MYO19: variants seen among roughly 807,000 people sequenced by gnomAD.
MYO19 encodes the protein unconventional myosin-XIX.
MYO19 carries 132 observed loss-of-function variants against 129.2 expected under a neutral mutation model. The observed-to-expected ratio is 1.02, with a 90% CI of 0.89 to 1.18. The LOEUF is 1.18. MYO19 is among the 50% of genes most tolerant of loss of function. The pLI, the probability that MYO19 is intolerant of heterozygous loss-of-function variation, is 0.00. For missense variants in MYO19, 1,210 were observed against 1,216.7 expected (o/e 0.99, Z 0.08); for synonymous variants, 531 against 477.2 (o/e 1.11, Z -1.47).
At chr17:36,516,237 G>GT (rs142292185) in intron 6 of MYO19, among the ~76,000 whole-genome samples, 13 of 151,818 alleles carry the variant, frequency 8.6e-5, no homozygotes, top group African/African-American at 1.7e-4. Context: ...TTCTGTGTAT[G>GT]TTTTTTTTGC....
chr17:36,521,864 C>G (rs1488757352), intron 6 of MYO19, among the ~76,000 whole-genome samples: 3 of 151,634 alleles, frequency 2.0e-5, no homozygotes, highest in African/African-American at 7.3e-5. Flanking sequence ...AACCCCATCT[C>G]TACTAAAAAT....
intron 6 of MYO19, among the ~76,000 whole-genome samples, chr17:36,517,242 T>C (rs990388257): frequency 2.0e-5 from 3 of 152,218 alleles, no homozygotes; most frequent in Non-Finnish European, 4.4e-5. Flanking sequence ...TAAGTCTGAC[T>C]GGAGAGTTAT....
Position 36,499,072 on chromosome 17 carries a change from T to C in MYO19, c.2463+3A>G, listed in dbSNP as rs1173250493. On this transcript the variant is annotated splice_donor_region_variant and intron_variant, in intron 24 of 25. Coordinates refer to ENST00000614623, the MANE Select transcript of MYO19 (RefSeq NM_001163735.2). Reference sequence around the variant, plus strand: ...CCACCCCGACTTCTTGGGTCTTACTTACTCTCCACTTCTGCCATGCACGCT... The same window carrying C: ...CCACCCCGACTTCTTGGGTCTTACTCACTCTCCACTTCTGCCATGCACGCT... 1.2e-6 allele frequency: 2 copies of C among 1,604,374 alleles called. No homozygotes were observed. Among genetic ancestry groups the C allele is most frequent in the Non-Finnish European group, 8.5e-7 (1 of 1,174,714 alleles).
rs1211426564 is a variant in MYO19, at chr17:36,534,089, G to A, written c.-280C>T. On this transcript the variant is annotated 5_prime_UTR_variant, in exon 2 of 26. Coordinates refer to ENST00000614623, the MANE Select transcript of MYO19 (RefSeq NM_001163735.2). ...TCGCGGTTACCAGCCAAGAATTTCT[G>A]GAAAGGGTGTGAACACTGTGGGCAG... 1 of 152,278 alleles carries A rather than the reference G, an allele frequency of 6.6e-6. No homozygotes were observed. Among genetic ancestry groups the A allele is most frequent in the Admixed American group, 6.5e-5 (1 of 15,282 alleles). 9.4% of individuals were successfully genotyped at this position (152,278 alleles called of 1,614,324 possible).
At chr17:36,499,266 GT>G (rs111268012) in intron 23 of MYO19, 106 bp from the exon 24 acceptor site, 17,253 of 538,790 alleles carry the variant, frequency 0.032, 168 homozygotes, top group East Asian at 0.14. Context: ...TTTCAAATAC[GT>G]TTTTTTTTTT....
chr17:36,517,449 G>A (rs1032159259), intron 6 of MYO19, among the ~76,000 whole-genome samples: 7 of 151,946 alleles, frequency 4.6e-5, no homozygotes, highest in South Asian at 2.1e-4. Context: ...TAGTAGAGAC[G>A]GGCTTTCACC....
intron 11 of MYO19, among the ~76,000 whole-genome samples, chr17:36,512,181 T>A (rs1302464336): frequency 1.4e-5 from 2 of 141,740 alleles, no homozygotes; most frequent in Non-Finnish European, 3.0e-5. Flanking sequence ...TGAACCTCCA[T>A]CTCTACTAAA....
chr17:36,511,118 T>C, intron 12 of MYO19: 2 of 676,708 alleles, frequency 3.0e-6, no homozygotes, highest in Non-Finnish European at 2.5e-6. Flanking sequence ...TACCAGTCCA[T>C]GCTGCCATGT....
At chr17:36,543,287 C>G (rs1406112333) in exon 1 of MYO19, 1 of 152,022 alleles carries the variant, frequency 6.6e-6, no homozygotes, top group African/African-American at 2.4e-5. Context: ...TCCCGAGTAG[C>G]TGGGATAACA....
At chr17:36,499,778 G>A (rs1210341842) in intron 23 of MYO19, 1 of 143,722 alleles carries the variant, frequency 7.0e-6, no homozygotes, top group Admixed American at 7.1e-5. Context: ...AATCTCCCAG[G>A]CTCAAGCAAT....
In MYO19 at chr17:36,497,995, T is replaced by C. The variant is rs142764564; in HGVS notation, c.2757+271A>G. 373 of 468,478 alleles carry C rather than the reference T, an allele frequency of 8.0e-4. 2 individuals are homozygous for C. Among genetic ancestry groups the C allele is most frequent in the African/African-American group, 6.5e-3 (334 of 51,774 alleles). 29.0% of individuals were successfully genotyped at this position (468,478 alleles called of 1,614,324 possible). A position where few individuals can be genotyped will look rare whatever the true frequency, so the allele number is the denominator to read the frequency against. ...CTGGGAGCTTGCTAGAAACGCAGCA[T>C]TGCATTTGGAAATGGGACTAGAAGA... is the stretch of plus-strand genomic sequence containing the variant. On this transcript the variant is annotated intron_variant, in intron 25 of 25. Transcript: ENST00000614623.
chr17:36,498,838 A>G lies in MYO19; in HGVS notation c.2463+237T>C, dbSNP rs1027478302. ...TAAAACCCAGTCTTCTAAAGTGTAC[A>G]TCCCAGAGTTTGGTATATTCCCAGA... On this transcript the variant is annotated intron_variant, in intron 24 of 25. Transcript: ENST00000614623. 3.5e-5 allele frequency: 21 copies of G among 592,506 alleles called. No individual in the cohort carries two copies. In the African/African-American group the frequency reaches 3.9e-4, roughly 11 times the overall value. The allele number at this position is 592,506 out of a possible 1,614,324, so 36.7% of individuals were successfully genotyped here. A position where few individuals can be genotyped will look rare whatever the true frequency, so the allele number is the denominator to read the frequency against.
Position 36,528,194 on chromosome 17 carries a change from G to GC in MYO19, c.20dup (p.His8ProfsTer6). The GC allele has an allele frequency of 1.9e-6, 3 of 1,580,742 alleles. No homozygotes were observed. Among genetic ancestry groups the GC allele is most frequent in the Non-Finnish European group, 2.6e-6 (3 of 1,162,530 alleles). On this transcript the variant is annotated frameshift_variant, in exon 4 of 26. Transcript: ENST00000614623. LOFTEE classifies it high-confidence loss of function. ...CTTGGCCATCAGACCCCGGATTGTGGCCATTGACCTGGAAGAGATAACGTG... is the reference window on the plus strand; with the variant it reads ...CTTGGCCATCAGACCCCGGATTGTGGCCCATTGACCTGGAAGAGATAACGTG...
intron 11 of MYO19, among the ~76,000 whole-genome samples, chr17:36,512,501 C>T (rs1031808513): frequency 3.3e-5 from 5 of 152,164 alleles, no homozygotes; most frequent in Admixed American, 1.3e-4. Flanking sequence ...ACTGGTCTTC[C>T]GGCCACAACT....
intron 3 of MYO19, among the ~76,000 whole-genome samples, chr17:36,530,189 G>A (rs2073742856): frequency 6.6e-6 from 1 of 152,188 alleles, no homozygotes; most frequent in African/African-American, 2.4e-5. Context: ...GCATGTGCCT[G>A]TAACCCCAGC....
At chr17:36,531,121 G>A (rs569728894) in intron 3 of MYO19, among the ~76,000 whole-genome samples, 22 of 151,822 alleles carry the variant, frequency 1.4e-4, no homozygotes, top group Middle Eastern at 3.5e-3. Context: ...GAGGCTGGGC[G>A]CGGTGGCTCA....
intron 7 of MYO19, 128 bp from the exon 8 acceptor site, chr17:36,515,310 T>C (rs1396879277): frequency 6.8e-6 from 5 of 739,696 alleles, no homozygotes; most frequent in Non-Finnish European, 1.1e-5. Context: ...TTGTTGGTTT[T>C]CATGTCATAG....
intron 19 of MYO19, 138 bp downstream of exon 19, chr17:36,505,159 G>A (rs1164311126): frequency 1.2e-6 from 1 of 821,558 alleles, no homozygotes; most frequent in South Asian, 1.3e-5. Flanking sequence ...AGGGAGATGG[G>A]TCCTCTCTCA....
intron 11 of MYO19, chr17:36,512,539 G>A: frequency 9.0e-7 from 1 of 1,105,144 alleles, no homozygotes; most frequent in Non-Finnish European, 1.2e-6. Flanking sequence ...ATGCCCACCA[G>A]GCAGAAGGGC....
Sources: allele counts gnomAD v4.1 joint callset (sites outside exome capture counted in the v4.1 genomes callset), GRCh38; gene constraint gnomAD v4.1.1; transcripts MANE v1.5; gene names NCBI Gene and HGNC (gene_info 2026-07-23, HGNC 2026-07-21).